XYLT1: variants seen among roughly 807,000 people sequenced by gnomAD.
The protein encoded by XYLT1 is beta-D-xylosyltransferase 1.
In XYLT1, 36 loss-of-function variants were observed where a neutral mutation model predicts 91.3. The ratio of observed to expected loss-of-function variants is 0.39; its 90% CI spans 0.30 to 0.52. XYLT1 has a LOEUF of 0.52. Ranked by LOEUF, XYLT1 falls within the 20% of genes least tolerant of loss-of-function variation. The pLI, the probability that XYLT1 is intolerant of heterozygous loss-of-function variation, is 0.68. For missense variants in XYLT1, 1,242 were observed against 1,284.5 expected (o/e 0.97, Z 0.51); for synonymous variants, 588 against 532.0 (o/e 1.11, Z -1.45).
At chr16:17,191,314 T>G (rs2032305092) in intron 5 of XYLT1, among the ~76,000 whole-genome samples, 1 of 152,210 alleles carries the variant, frequency 6.6e-6, no homozygotes. Flanking sequence ...GGGTTCCACT[T>G]TAGCAGACTA....
chr16:17,204,578 A>C (rs117326653), intron 3 of XYLT1, among the ~76,000 whole-genome samples: 2,195 of 152,234 alleles, frequency 0.014, 24 homozygotes, highest in East Asian at 0.052. Flanking sequence ...GAAGACAGCG[A>C]GTCAGGAGAA....
At chr16:17,455,749 A>G (rs753691614) in intron 1 of XYLT1, among the ~76,000 whole-genome samples, 28 of 152,236 alleles carry the variant, frequency 1.8e-4, no homozygotes, top group Non-Finnish European at 3.4e-4. Flanking sequence ...GCGTCTGCGC[A>G]TAAAGATGAT....
intron 1 of XYLT1, among the ~76,000 whole-genome samples, chr16:17,379,763 T>TCTCACACACACACACACACACACACACA (rs373354877): frequency 8.0e-6 from 1 of 125,544 alleles, no homozygotes; most frequent in African/African-American, 3.2e-5. Flanking sequence ...TCTCTCTCTC[T>TCTCACACACACACACACACACACACACA]CACACACACA....
intron 2 of XYLT1, among the ~76,000 whole-genome samples, chr16:17,336,315 TC>T (rs1443825700): frequency 6.6e-6 from 1 of 152,216 alleles, no homozygotes; most frequent in African/African-American, 2.4e-5. Context: ...CCACGGCGGT[TC>T]CCCAGTGTTT....
rs11075337 is a variant in XYLT1, at chr16:17,103,677, C to T, written c.*5018G>A. 9,462 of 151,992 alleles carry T rather than the reference C, an allele frequency of 0.062. 345 individuals carry two copies. The highest frequency in any genetic ancestry group is 0.091 in the African/African-American group (3,774 of 41,428). 9.4% of individuals were successfully genotyped at this position (151,992 alleles called of 1,614,324 possible). ...GGAACATGAGGGATGGAGTAGATGA[C>T]GTTAGGGAGGGGGATGACAAGGTGC... is the stretch of plus-strand genomic sequence containing the variant. On this transcript the variant is annotated 3_prime_UTR_variant, in exon 12 of 12. Transcript: ENST00000261381.
At chr16:17,265,443 T>C (rs1233814785) in intron 2 of XYLT1, among the ~76,000 whole-genome samples, 1 of 152,220 alleles carries the variant, frequency 6.6e-6, no homozygotes, top group Non-Finnish European at 1.5e-5. Context: ...CTTGAGTTAT[T>C]TATGCTAATG....
At chr16:17,345,804 GTTT>G (rs200227063) in intron 2 of XYLT1, among the ~76,000 whole-genome samples, 4 of 119,822 alleles carry the variant, frequency 3.3e-5, no homozygotes, top group Admixed American at 1.8e-4. Context: ...TACTTCAACC[GTTT>G]TTATTTATTA....
chr16:17,357,064 C>T (rs1596500416), intron 2 of XYLT1, among the ~76,000 whole-genome samples: 3 of 148,644 alleles, frequency 2.0e-5, no homozygotes, highest in African/African-American at 7.4e-5. Flanking sequence ...GTAGTCCCAG[C>T]TGCTGGGGAG....
At chr16:17,264,985 G>C (rs112019018) in intron 2 of XYLT1, among the ~76,000 whole-genome samples, 1,809 of 152,202 alleles carry the variant, frequency 0.012, 19 homozygotes, top group Non-Finnish European at 0.02. Flanking sequence ...TCCGGAGATC[G>C]AGACCATCCT....
chr16:17,339,015 A>G (rs749218310), intron 2 of XYLT1, among the ~76,000 whole-genome samples: 1 of 152,234 alleles, frequency 6.6e-6, no homozygotes, highest in Non-Finnish European at 1.5e-5. Flanking sequence ...AAATTCAACT[A>G]TAAACAGTCA....
chr16:17,468,973 A>T (rs1170491560), intron 1 of XYLT1, among the ~76,000 whole-genome samples: 4 of 152,130 alleles, frequency 2.6e-5, no homozygotes, highest in Non-Finnish European at 4.4e-5. Flanking sequence ...CCTCTCTGTA[A>T]AGAAGAGATC....
intron 1 of XYLT1, among the ~76,000 whole-genome samples, chr16:17,438,327 T>C (rs1596545938): frequency 6.6e-6 from 1 of 152,316 alleles, no homozygotes; most frequent in African/African-American, 2.4e-5. Context: ...AATATGGTAA[T>C]TGTGAAGGTA....
chr16:17,419,539 C>T (rs1390258226), intron 1 of XYLT1, among the ~76,000 whole-genome samples: 1 of 152,166 alleles, frequency 6.6e-6, no homozygotes, highest in Non-Finnish European at 1.5e-5. Flanking sequence ...TGGTACACAG[C>T]ATAATACAGT....
intron 3 of XYLT1, among the ~76,000 whole-genome samples, chr16:17,228,622 G>A (rs1193241101): frequency 6.6e-6 from 1 of 152,140 alleles, no homozygotes; most frequent in Admixed American, 6.5e-5. Context: ...GGAGGCTTCT[G>A]ATCGGTGGAG....
At chr16:17,357,488 C>T (rs2035318471) in intron 2 of XYLT1, among the ~76,000 whole-genome samples, 1 of 152,174 alleles carries the variant, frequency 6.6e-6, no homozygotes, top group African/African-American at 2.4e-5. Context: ...CCCTCCCTTA[C>T]AAGACCCGCT....
At chr16:17,126,870 G>C (rs9926002) in intron 10 of XYLT1, among the ~76,000 whole-genome samples, 136,766 of 152,054 alleles carry the variant, frequency 0.9, 62,254 homozygotes, top group Middle Eastern at 0.97. Flanking sequence ...ACTACATACT[G>C]TCTGTGTGCT....
At chr16:17,229,235 C>A (rs994836541) in intron 3 of XYLT1, among the ~76,000 whole-genome samples, 1 of 152,136 alleles carries the variant, frequency 6.6e-6, no homozygotes, top group Non-Finnish European at 1.5e-5. Context: ...AACTGACGTG[C>A]AAAAAATGTG....
intron 2 of XYLT1, among the ~76,000 whole-genome samples, chr16:17,340,308 T>A (rs922759012): frequency 3.3e-5 from 5 of 152,220 alleles, no homozygotes; most frequent in Non-Finnish European, 7.3e-5. Flanking sequence ...ACTATTTCCT[T>A]GTATGGCCGT....
At chr16:17,243,867 A>G (rs3943418) in intron 3 of XYLT1, among the ~76,000 whole-genome samples, 123,255 of 152,078 alleles carry the variant, frequency 0.81, 51,096 homozygotes, top group African/African-American at 0.94. Context: ...TGTCCATACC[A>G]AATGTGAACT....
Sources: gnomAD v4.1 joint callset for allele counts (sites outside exome capture counted in the v4.1 genomes callset) on GRCh38, gnomAD v4.1.1 for gene constraint, MANE v1.5 for transcripts, NCBI Gene and HGNC (gene_info 2026-07-23, HGNC 2026-07-21) for gene names.